MSRA: variants seen among roughly 807,000 people sequenced by gnomAD.
MSRA encodes the protein mitochondrial peptide methionine sulfoxide reductase.
Under a neutral mutation model 31.3 loss-of-function variants are expected in MSRA, and 54 were observed. That is an observed-to-expected ratio of 1.73 (90% CI 1.39 to 2.17). MSRA has a LOEUF of 2.17. Ranked by LOEUF, MSRA falls within the 30% of genes most tolerant of loss-of-function variation. The pLI, the probability that MSRA is intolerant of heterozygous loss-of-function variation, is 0.00. For synonymous variants in MSRA, 169 were observed against 116.5 expected, an observed-to-expected ratio of 1.45 and a Z score of -2.90; for missense variants, 507 against 300.9, an observed-to-expected ratio of 1.69 and a Z score of -5.07.
chr8:10,282,166 C>G (rs1799657358), intron 3 of MSRA, among the ~76,000 whole-genome samples: 1 of 152,166 alleles, frequency 6.6e-6, no homozygotes, highest in Admixed American at 6.5e-5. Flanking sequence ...CTTTCATCCA[C>G]AAAAGCCAAC....
chr8:10,338,600 A>G (rs981039715), intron 5 of MSRA, among the ~76,000 whole-genome samples: 7 of 152,238 alleles, frequency 4.6e-5, no homozygotes. Flanking sequence ...GCACTCCATA[A>G]AGATATACAG....
chr8:10,062,507 T>A (rs567716658), intron 1 of MSRA, among the ~76,000 whole-genome samples: 2 of 152,226 alleles, frequency 1.3e-5, no homozygotes, highest in African/African-American at 4.8e-5. Flanking sequence ...AGTAAGCTGA[T>A]GATAAATACT....
intron 1 of MSRA, among the ~76,000 whole-genome samples, chr8:10,131,299 C>T (rs911044139): frequency 6.6e-6 from 1 of 152,100 alleles, no homozygotes; most frequent in Non-Finnish European, 1.5e-5. Flanking sequence ...GAAATTTCGC[C>T]ACAGAAGAAA....
At chr8:10,274,186 G>C (rs1799197550) in intron 3 of MSRA, among the ~76,000 whole-genome samples, 1 of 152,220 alleles carries the variant, frequency 6.6e-6, no homozygotes, top group Non-Finnish European at 1.5e-5. Context: ...TGGAACTCCT[G>C]TTACATTCAA....
intron 1 of MSRA, among the ~76,000 whole-genome samples, chr8:10,068,609 T>G (rs1797578383): frequency 6.6e-6 from 1 of 152,230 alleles, no homozygotes; most frequent in African/African-American, 2.4e-5. Flanking sequence ...CAAAGATGAG[T>G]TGACCATATT....
chr8:10,127,773 CAG>C (rs1392607596), intron 1 of MSRA, among the ~76,000 whole-genome samples: 1 of 152,140 alleles, frequency 6.6e-6, no homozygotes, highest in Non-Finnish European at 1.5e-5. Context: ...TTTAAAATGC[CAG>C]AGTTTGAATG....
chr8:10,081,124 G>A (rs1798271823), intron 1 of MSRA, among the ~76,000 whole-genome samples: 1 of 152,200 alleles, frequency 6.6e-6, no homozygotes. Flanking sequence ...CTGCACACGT[G>A]GTCCAGTTGG....
chr8:10,229,059 G>C (rs1293670891), intron 2 of MSRA, among the ~76,000 whole-genome samples: 1 of 152,188 alleles, frequency 6.6e-6, no homozygotes, highest in Non-Finnish European at 1.5e-5. Context: ...AGAGCCATCA[G>C]ATCATTCTAT....
chr8:10,077,768 A>G (rs1798067046), intron 1 of MSRA, among the ~76,000 whole-genome samples: 1 of 152,162 alleles, frequency 6.6e-6, no homozygotes, highest in African/African-American at 2.4e-5. Flanking sequence ...GGAAGCCCTC[A>G]GTGCCACATG....
At chr8:10,387,122 C>T (rs529734959) in intron 5 of MSRA, among the ~76,000 whole-genome samples, 1 of 152,292 alleles carries the variant, frequency 6.6e-6, no homozygotes, top group Admixed American at 6.5e-5. Context: ...CTGCACGGCT[C>T]GACCACACTT....
At chr8:10,096,128 G>C in intron 1 of MSRA, 1 of 1,251,724 alleles carries the variant, frequency 8.0e-7, no homozygotes, top group Non-Finnish European at 1.0e-6. Context: ...ATTTTATGCA[G>C]CCCAGCCAGG....
intron 1 of MSRA, among the ~76,000 whole-genome samples, chr8:10,084,960 T>G (rs1344223892): frequency 1.3e-5 from 2 of 152,210 alleles, no homozygotes; most frequent in African/African-American, 4.8e-5. Flanking sequence ...CCTTTATATT[T>G]AATACAAAAT....
intron 1 of MSRA, among the ~76,000 whole-genome samples, chr8:10,172,352 G>A (rs370518255): frequency 2.6e-5 from 4 of 152,252 alleles, no homozygotes; most frequent in East Asian, 1.9e-4. Flanking sequence ...AGAAAAGATG[G>A]GACTGGTAGG....
chr8:10,189,831 C>G (rs1807359244), intron 1 of MSRA, among the ~76,000 whole-genome samples: 2 of 151,842 alleles, frequency 1.3e-5, no homozygotes, highest in Non-Finnish European at 2.9e-5. Context: ...TAATGTGGGT[C>G]TTATGAAATG....
At chr8:10,323,319 C>T (rs1174307087) in intron 5 of MSRA, among the ~76,000 whole-genome samples, 2 of 148,530 alleles carry the variant, frequency 1.3e-5, no homozygotes, top group Non-Finnish European at 3.0e-5. Flanking sequence ...ATGATAATGC[C>T]ATCTATAAAC....
chr8:10,196,125 A>G (rs971589868), intron 1 of MSRA, among the ~76,000 whole-genome samples: 2 of 152,096 alleles, frequency 1.3e-5, no homozygotes, highest in Non-Finnish European at 2.9e-5. Flanking sequence ...GCCCCTTGCA[A>G]CCTCCAGGCA....
intron 5 of MSRA, among the ~76,000 whole-genome samples, chr8:10,373,830 C>T (rs1805609942): frequency 6.6e-6 from 1 of 152,180 alleles, no homozygotes; most frequent in African/African-American, 2.4e-5. Flanking sequence ...GGCTGTTGAG[C>T]CCCTGGAGGG....
intron 1 of MSRA, among the ~76,000 whole-genome samples, chr8:10,168,315 G>A (rs1805317917): frequency 6.6e-6 from 1 of 152,242 alleles, no homozygotes; most frequent in Non-Finnish European, 1.5e-5. Flanking sequence ...CTTCTAAACA[G>A]TATCTCTCTC....
intron 1 of MSRA, among the ~76,000 whole-genome samples, chr8:10,088,562 C>G (rs550478080): frequency 4.9e-4 from 74 of 152,212 alleles, no homozygotes; most frequent in African/African-American, 1.7e-3. Context: ...TGGCGAAACC[C>G]CATCTCTACT....
Sources: allele counts gnomAD v4.1 joint callset (sites outside exome capture counted in the v4.1 genomes callset), GRCh38; gene constraint gnomAD v4.1.1; transcripts MANE v1.5; gene names NCBI Gene and HGNC (gene_info 2026-07-23, HGNC 2026-07-21).